The following CACNB2 variants were observed in gnomAD, a reference collection of about 807,000 sequenced individuals.
CACNB2 encodes voltage-dependent L-type calcium channel subunit beta-2.
Under a neutral mutation model 73.3 loss-of-function variants are expected in CACNB2, and 42 were observed. That is an observed-to-expected ratio of 0.57 (90% CI 0.45 to 0.74). CACNB2 has a LOEUF of 0.74. Ranked by LOEUF, CACNB2 falls within the 30% of genes least tolerant of loss-of-function variation. The pLI is 0.00. For synonymous variants in CACNB2, 348 were observed against 310.3 expected (o/e 1.12, Z -1.28); for missense variants, 940 against 853.0 (o/e 1.10, Z -1.27).
At chr10:18,333,594 T>C (rs1204238168) in intron 2 of CACNB2, among the ~76,000 whole-genome samples, 1 of 152,234 alleles carries the variant, frequency 6.6e-6, no homozygotes, top group African/African-American at 2.4e-5. Flanking sequence ...TTGGCTGTTA[T>C]TTACCAAAAA....
intron 2 of CACNB2, among the ~76,000 whole-genome samples, chr10:18,224,498 T>A (rs759930168): frequency 4.6e-5 from 7 of 152,164 alleles, no homozygotes; most frequent in Admixed American, 4.6e-4. Flanking sequence ...CTTTATACTT[T>A]CCAAAGAATT....
At chr10:18,204,666 G>C (rs78940953) in intron 2 of CACNB2, among the ~76,000 whole-genome samples, 8,533 of 152,220 alleles carry the variant, frequency 0.056, 248 homozygotes, top group East Asian at 0.091. Context: ...CAAAACTATG[G>C]CATGATAGAT....
chr10:18,441,535 T>C (rs1419190202), intron 3 of CACNB2, among the ~76,000 whole-genome samples: 1 of 152,226 alleles, frequency 6.6e-6, no homozygotes, highest in African/African-American at 2.4e-5. Flanking sequence ...AAATTTCCTT[T>C]TTTCTTTTTT....
intron 2 of CACNB2, among the ~76,000 whole-genome samples, chr10:18,370,605 C>G (rs184963829): frequency 6.6e-6 from 1 of 152,236 alleles, no homozygotes; most frequent in East Asian, 1.9e-4. Context: ...TGGCCAGAAC[C>G]CACATCTTAA....
intron 2 of CACNB2, among the ~76,000 whole-genome samples, chr10:18,371,594 G>T (rs2042585898): frequency 6.6e-6 from 1 of 152,130 alleles, no homozygotes; most frequent in Non-Finnish European, 1.5e-5. Context: ...TCTTAATCCA[G>T]TCTATCATTG....
chr10:18,473,401 A>G (rs912302049), intron 3 of CACNB2, among the ~76,000 whole-genome samples: 5 of 152,238 alleles, frequency 3.3e-5, no homozygotes, highest in African/African-American at 1.2e-4. Flanking sequence ...TAGATTTATT[A>G]CAGCCTTTTA....
At chr10:18,294,790 C>T (rs2039209267) in intron 2 of CACNB2, among the ~76,000 whole-genome samples, 1 of 152,224 alleles carries the variant, frequency 6.6e-6, no homozygotes, top group African/African-American at 2.4e-5. Context: ...GTCATTCTTT[C>T]AGTTTCCTGT....
intron 2 of CACNB2, among the ~76,000 whole-genome samples, chr10:18,395,976 A>G (rs1360944131): frequency 6.6e-6 from 1 of 152,168 alleles, no homozygotes; most frequent in East Asian, 1.9e-4. Flanking sequence ...TATTATTTTG[A>G]GACAGGGTCT....
In CACNB2 at chr10:18,317,232, CT is replaced by C. The variant is rs201433717; in HGVS notation, c.214-84681del. Among the ~76,000 whole-genome samples, 586 of 147,378 alleles carry C rather than the reference CT, an allele frequency of 4.0e-3. 3 individuals carry two copies. The highest frequency in any genetic ancestry group is 6.9e-3 in the Non-Finnish European group (459 of 66,496). On this transcript the variant is annotated intron_variant, in intron 2 of 13. Transcript: ENST00000324631. ...TTCATCCTACCAAACTTTTCCCTAGCTTTTTTTTTTTAAATCTTTTTTAAAA... is the reference window on the plus strand; with the variant it reads ...TTCATCCTACCAAACTTTTCCCTAGCTTTTTTTTTTAAATCTTTTTTAAAA...
intron 2 of CACNB2, among the ~76,000 whole-genome samples, chr10:18,354,626 T>G (rs2041839542): frequency 6.6e-6 from 1 of 152,164 alleles, no homozygotes; most frequent in African/African-American, 2.4e-5. Flanking sequence ...CTTGTATGTT[T>G]GTTTCTCAAT....
chr10:18,343,734 A>G (rs952343857), intron 2 of CACNB2, among the ~76,000 whole-genome samples: 1 of 152,184 alleles, frequency 6.6e-6, no homozygotes, highest in African/African-American at 2.4e-5. Context: ...ATTGGAGGAC[A>G]GGGAGAGAGA....
At chr10:18,422,208 T>C (rs941486994) in intron 3 of CACNB2, among the ~76,000 whole-genome samples, 3 of 152,242 alleles carry the variant, frequency 2.0e-5, no homozygotes, top group African/African-American at 7.2e-5. Flanking sequence ...CTTTCTGAGT[T>C]GCTTTATCTT....
intron 2 of CACNB2, among the ~76,000 whole-genome samples, chr10:18,171,883 G>C (rs2033270273): frequency 6.6e-6 from 1 of 151,988 alleles, no homozygotes; most frequent in Admixed American, 6.6e-5. Context: ...ATCAGTGTCT[G>C]CCCCTCACCT....
At chr10:18,456,073 C>T (rs564487610) in intron 3 of CACNB2, among the ~76,000 whole-genome samples, 3 of 152,276 alleles carry the variant, frequency 2.0e-5, no homozygotes, top group Middle Eastern at 3.4e-3. Context: ...GAACCAGTCT[C>T]GTTGTTGTCA....
chr10:18,539,433 C>G lies in CACNB2; in HGVS notation c.1692C>G (p.Asp564Glu), dbSNP rs1017388215. The part of the protein sequence containing the change: ...TFDSETQESR[D>E]SAYVEPKEDY... ...ACTCGGAAACCCAGGAGAGTCGAGA[C>G]TCTGCCTACGTAGAGCCAAAGGAAG... Residue 564 changes from aspartate to glutamate, a missense_variant, in exon 14 of 14, where the codon GAC (aspartate) becomes GAG (glutamate). By Grantham distance (45) the Asp-to-Glu change is conservative (BLOSUM62 2). Transcript: ENST00000324631. The G allele has an allele frequency of 2.5e-6, 4 of 1,613,940 alleles. No homozygotes were observed. Among genetic ancestry groups the G allele is most frequent in the South Asian group, 1.1e-5 (1 of 91,068 alleles).
At chr10:18,348,553 A>C (rs2041570684) in intron 2 of CACNB2, among the ~76,000 whole-genome samples, 1 of 152,080 alleles carries the variant, frequency 6.6e-6, no homozygotes, top group African/African-American at 2.4e-5. Flanking sequence ...TTGCTCTGTC[A>C]CCCAGGCTGG....
intron 3 of CACNB2, among the ~76,000 whole-genome samples, chr10:18,495,717 T>TA (rs1458173583): frequency 6.6e-6 from 1 of 152,048 alleles, no homozygotes; most frequent in Non-Finnish European, 1.5e-5. Context: ...CCTGGCCTTT[T>TA]AAAAAAATAT....
chr10:18,500,790 A>G, intron 4 of CACNB2, 22 bp from the exon 5 acceptor site: 1 of 1,612,174 alleles, frequency 6.2e-7, no homozygotes, highest in Non-Finnish European at 8.5e-7. Flanking sequence ...CTGATTTTTA[A>G]TGCTTTTGAT....
At chr10:18,204,956 G>T (rs2035028336) in intron 2 of CACNB2, among the ~76,000 whole-genome samples, 2 of 144,404 alleles carry the variant, frequency 1.4e-5, no homozygotes. Flanking sequence ...ACTTCTTGCT[G>T]GATTCCTTAA....
Sources: gnomAD v4.1 joint callset for allele counts (sites outside exome capture counted in the v4.1 genomes callset) on GRCh38, gnomAD v4.1.1 for gene constraint, MANE v1.5 for transcripts, NCBI Gene and HGNC (gene_info 2026-07-23, HGNC 2026-07-21) for gene names.